The following MACROH2A2 variants were observed in gnomAD, a reference collection of about 807,000 sequenced individuals.
MACROH2A2 encodes core histone macro-H2A.2.
In MACROH2A2, 6 loss-of-function variants were observed where a neutral mutation model predicts 37.6. That is an observed-to-expected ratio of 0.16 (90% CI 0.09 to 0.32). The LOEUF is 0.32. Among genes scored for constraint, MACROH2A2 ranks in the 10% least tolerant of loss-of-function variants. MACROH2A2 has a pLI of 1.00. For missense variants in MACROH2A2, 290 were observed against 485.9 expected (o/e 0.60, Z 3.79); for synonymous variants, 192 against 202.7 (o/e 0.95, Z 0.45).
At chr10:70,103,232 C>T (rs1422798141) in intron 7 of MACROH2A2, among the ~76,000 whole-genome samples, 1 of 152,168 alleles carries the variant, frequency 6.6e-6, no homozygotes, top group Non-Finnish European at 1.5e-5. Context: ...TGAGACCAAG[C>T]CCCAACTCAG....
At chr10:70,081,462 G>A (rs1309489868) in intron 2 of MACROH2A2, among the ~76,000 whole-genome samples, 1 of 152,034 alleles carries the variant, frequency 6.6e-6, no homozygotes, top group East Asian at 1.9e-4. Context: ...GCCAGGGAGA[G>A]GGGGAAAGGA....
At chr10:70,083,428 G>A (rs1008420171) in intron 2 of MACROH2A2, among the ~76,000 whole-genome samples, 4 of 152,224 alleles carry the variant, frequency 2.6e-5, no homozygotes, top group African/African-American at 4.8e-5. Flanking sequence ...GATGTCCTGG[G>A]GGCCAATGAG....
intron 2 of MACROH2A2, among the ~76,000 whole-genome samples, chr10:70,080,478 G>A (rs2072169413): frequency 6.6e-6 from 1 of 152,152 alleles, no homozygotes; most frequent in African/African-American, 2.4e-5. Context: ...GCTCATGCCT[G>A]TAATCCGAAC....
chr10:70,077,260 G>A (rs2136626295), intron 2 of MACROH2A2, among the ~76,000 whole-genome samples: 1 of 152,308 alleles, frequency 6.6e-6, no homozygotes, highest in East Asian at 1.9e-4. Context: ...AAGATGTGGG[G>A]AATGCTTGTT....
At chr10:70,065,808 G>A (rs2072076049) in intron 1 of MACROH2A2, among the ~76,000 whole-genome samples, 1 of 151,976 alleles carries the variant, frequency 6.6e-6, no homozygotes, top group Admixed American at 6.6e-5. Flanking sequence ...TGAGGGGGGA[G>A]GGATAATCAA....
At chr10:70,103,970 A>G (rs1442168055) in intron 7 of MACROH2A2, among the ~76,000 whole-genome samples, 3 of 152,224 alleles carry the variant, frequency 2.0e-5, no homozygotes, top group African/African-American at 7.2e-5. Context: ...AAAGAATACA[A>G]AAGTCTGCAC....
chr10:70,094,560 A>C (rs2072263831), intron 5 of MACROH2A2, among the ~76,000 whole-genome samples: 1 of 152,224 alleles, frequency 6.6e-6, no homozygotes, highest in Non-Finnish European at 1.5e-5. Flanking sequence ...CTCCATTCAA[A>C]GAATTGGGAA....
In MACROH2A2 at chr10:70,054,594, T is replaced by G. The variant is rs891359497; in HGVS notation, c.-60+1594T>G. Among the ~76,000 whole-genome samples the G allele has an allele frequency of 9.2e-5, 14 of 152,330 alleles. No individual in the cohort carries two copies. The East Asian group carries it at 2.7e-3, about 29-fold the overall frequency. ...AGGTGAGAGAAAAAGAAAACATTATTAAGAGCGAGAACGTGTCTTCGTGTG... is the reference window on the plus strand; with the variant it reads ...AGGTGAGAGAAAAAGAAAACATTATGAAGAGCGAGAACGTGTCTTCGTGTG... On this transcript the variant is annotated intron_variant, in intron 1 of 8. Transcript: ENST00000373255.
At chr10:70,088,532 A>G (rs184881740) in intron 2 of MACROH2A2, among the ~76,000 whole-genome samples, 1 of 152,352 alleles carries the variant, frequency 6.6e-6, no homozygotes, top group Non-Finnish European at 1.5e-5. Flanking sequence ...TTTTACCCCA[A>G]GGTTTTAATA....
At chr10:70,110,690 G>A (rs2072366674) in intron 8 of MACROH2A2, among the ~76,000 whole-genome samples, 1 of 151,596 alleles carries the variant, frequency 6.6e-6, no homozygotes, top group Non-Finnish European at 1.5e-5. Context: ...TTCGAGACCA[G>A]CCTGGGCAAC....
At chr10:70,067,165 T>G (rs188313811) in intron 1 of MACROH2A2, among the ~76,000 whole-genome samples, 5 of 152,206 alleles carry the variant, frequency 3.3e-5, no homozygotes, top group Non-Finnish European at 5.9e-5. Context: ...TGATGAAATG[T>G]TGTGACCAGA....
At chr10:70,058,748 A>G (rs7098238) in intron 1 of MACROH2A2, among the ~76,000 whole-genome samples, 75,553 of 151,838 alleles carry the variant, frequency 0.5, 19,074 homozygotes, top group East Asian at 0.65. Flanking sequence ...GGACCACAAA[A>G]AGGCAAACCC....
chr10:70,067,159 G>T (rs2072084203), intron 1 of MACROH2A2, among the ~76,000 whole-genome samples: 1 of 152,188 alleles, frequency 6.6e-6, no homozygotes, highest in Non-Finnish European at 1.5e-5. Context: ...ATTAGTTGAT[G>T]AAATGTTGTG....
At chr10:70,088,830 G>A (rs980356089) in intron 2 of MACROH2A2, among the ~76,000 whole-genome samples, 1 of 152,320 alleles carries the variant, frequency 6.6e-6, no homozygotes, top group African/African-American at 2.4e-5. Flanking sequence ...TCAACCAGGC[G>A]CAGTGGCTCA....
At chr10:70,108,338 C>T (rs78429804) in intron 7 of MACROH2A2, among the ~76,000 whole-genome samples, 3,058 of 152,260 alleles carry the variant, frequency 0.02, 107 homozygotes, top group African/African-American at 0.07. Context: ...TTCTGGAGGC[C>T]AGAAGTCCAC....
At chr10:70,065,508 G>A (rs2072074271) in intron 1 of MACROH2A2, among the ~76,000 whole-genome samples, 1 of 152,104 alleles carries the variant, frequency 6.6e-6, no homozygotes, top group Non-Finnish European at 1.5e-5. Context: ...TAATTTAGAG[G>A]ACAGAAGATA....
chr10:70,081,717 G>A (rs758359565), intron 2 of MACROH2A2, among the ~76,000 whole-genome samples: 4 of 152,086 alleles, frequency 2.6e-5, no homozygotes, highest in Non-Finnish European at 5.9e-5. Context: ...GACAGAGGGG[G>A]TGGGGACTCT....
intron 6 of MACROH2A2, among the ~76,000 whole-genome samples, 161 bp downstream of exon 6, chr10:70,095,914 C>A (rs536654858): frequency 2.6e-5 from 4 of 152,210 alleles, no homozygotes; most frequent in Non-Finnish European, 5.9e-5. Flanking sequence ...GAGAAGCTAA[C>A]TTTGTTTTAA....
rs2072347741 is a variant in MACROH2A2 at position 70,107,989 on chromosome 10, C to T, written c.779-1044C>T. Among the ~76,000 whole-genome samples, 1 of 152,092 alleles carries T rather than the reference C, an allele frequency of 6.6e-6. No individual in the cohort carries two copies. Among genetic ancestry groups the T allele is most frequent in the Non-Finnish European group, 1.5e-5 (1 of 68,006 alleles). On this transcript the variant is annotated intron_variant, in intron 7 of 8. Coordinates refer to ENST00000373255, the MANE Select transcript of MACROH2A2 (RefSeq NM_018649.3). The surrounding 1 kb of genome is among the most constrained non-coding windows in gnomAD (Gnocchi z 4.4). Reference sequence around the variant, plus strand: ...ATCCCAGCACTTTGGGTGCCTGAGGCAAGAGGATCACTTGAGCCCTGGAGT... The same window carrying T: ...ATCCCAGCACTTTGGGTGCCTGAGGTAAGAGGATCACTTGAGCCCTGGAGT...
Sources: gnomAD v4.1 joint callset for allele counts (sites outside exome capture counted in the v4.1 genomes callset) on GRCh38, gnomAD v4.1.1 for gene constraint, Gnocchi (gnomAD v3.1) non-coding constraint, MANE v1.5 for transcripts, NCBI Gene and HGNC (gene_info 2026-07-23, HGNC 2026-07-21) for gene names.